DLG2: variants seen among roughly 807,000 people sequenced by gnomAD.
DLG2 encodes the protein discs large MAGUK scaffold protein 2.
A neutral mutation model predicts 132.5 loss-of-function variants in DLG2; 45 were observed. The ratio of observed to expected loss-of-function variants is 0.34; its 90% confidence interval spans 0.27 to 0.44. DLG2 has a LOEUF of 0.44. Ranked by LOEUF, DLG2 falls within the 20% of genes least tolerant of loss-of-function variation. DLG2 has a pLI of 1.00. For missense variants in DLG2, 1,045 were observed against 1,196.9 expected (o/e 0.87, Z 1.87); for synonymous variants, 424 against 419.6 (o/e 1.01, Z -0.13).
intron 9 of DLG2, among the ~76,000 whole-genome samples, chr11:84,106,915 G>T (rs955014038): frequency 3.1e-5 from 4 of 130,630 alleles, no homozygotes; most frequent in South Asian, 2.7e-4. Flanking sequence ...GTGTGTGTGA[G>T]AGAAGTGTGT....
intron 19 of DLG2, among the ~76,000 whole-genome samples, chr11:83,561,980 C>A (rs1413650651): frequency 6.8e-6 from 1 of 147,390 alleles, no homozygotes; most frequent in Non-Finnish European, 1.5e-5. Flanking sequence ...CCTTCACCTC[C>A]CGGGTTCAAG....
chr11:84,903,803 T>C (rs1407505821), intron 6 of DLG2, among the ~76,000 whole-genome samples: 1 of 152,100 alleles, frequency 6.6e-6, no homozygotes, highest in African/African-American at 2.4e-5. Context: ...TTTGGTTCAT[T>C]GAGATTCATA....
At chr11:85,460,171 T>A (rs1038380626) in intron 3 of DLG2, among the ~76,000 whole-genome samples, 2 of 152,176 alleles carry the variant, frequency 1.3e-5, no homozygotes, top group African/African-American at 4.8e-5. Context: ...AGTCCACTGC[T>A]GCTCAGCCCT....
chr11:84,738,452 C>A (rs905317347), intron 6 of DLG2, among the ~76,000 whole-genome samples: 1 of 152,064 alleles, frequency 6.6e-6, no homozygotes, highest in African/African-American at 2.4e-5. Context: ...ATGGTTCTTA[C>A]AATTTGCTAC....
intron 3 of DLG2, among the ~76,000 whole-genome samples, chr11:85,584,056 C>A (rs1345257081): frequency 6.6e-6 from 1 of 152,000 alleles, no homozygotes; most frequent in Non-Finnish European, 1.5e-5. Context: ...GGGTTTACTG[C>A]ATGGAAAAGT....
chr11:85,064,756 A>T (rs1403433719), intron 6 of DLG2, among the ~76,000 whole-genome samples: 1 of 151,644 alleles, frequency 6.6e-6, no homozygotes, highest in African/African-American at 2.4e-5. Context: ...CCTTCATAAT[A>T]TGGATGGGTC....
At chr11:83,776,837 A>T (rs1158111874) in intron 18 of DLG2, among the ~76,000 whole-genome samples, 1 of 152,182 alleles carries the variant, frequency 6.6e-6, no homozygotes, top group African/African-American at 2.4e-5. Flanking sequence ...TTCCCGTGGA[A>T]TGCCTTCTTG....
chr11:83,532,483 C>T (rs1304026327), intron 21 of DLG2, among the ~76,000 whole-genome samples: 1 of 152,144 alleles, frequency 6.6e-6, no homozygotes, highest in African/African-American at 2.4e-5. Flanking sequence ...CATCAACACA[C>T]TGCTTCTGCT....
chr11:83,893,269 T>C (rs376152171), intron 15 of DLG2, among the ~76,000 whole-genome samples: 5 of 152,244 alleles, frequency 3.3e-5, no homozygotes, highest in Non-Finnish European at 5.9e-5. Context: ...AGGTCATAAG[T>C]TGCCCAACTC....
intron 3 of DLG2, among the ~76,000 whole-genome samples, chr11:85,426,095 C>A (rs190808418): frequency 1.3e-5 from 2 of 152,324 alleles, no homozygotes; most frequent in Non-Finnish European, 2.9e-5. Flanking sequence ...GAGGGAGGGG[C>A]GCCCGCCATT....
chr11:84,003,818 T>C (rs916388707), intron 11 of DLG2, among the ~76,000 whole-genome samples: 2 of 152,026 alleles, frequency 1.3e-5, no homozygotes, highest in Admixed American at 6.6e-5. Flanking sequence ...GGAACAACTA[T>C]GTGATAAAAA....
intron 3 of DLG2, among the ~76,000 whole-genome samples, chr11:85,553,492 T>C (rs2076777162): frequency 6.6e-6 from 1 of 151,600 alleles, no homozygotes; most frequent in African/African-American, 2.4e-5. Flanking sequence ...AATCTGTTTG[T>C]ATTTTTGGTA....
intron 18 of DLG2, among the ~76,000 whole-genome samples, chr11:83,677,823 G>C (rs536515898): frequency 2.6e-5 from 4 of 152,286 alleles, no homozygotes; most frequent in African/African-American, 9.6e-5. Context: ...ACTATTGGGA[G>C]AATGATGCAC....
rs369416303 is a variant in DLG2 at position 84,557,448 on chromosome 11, G to C, written c.358-22717C>G. Among the ~76,000 whole-genome samples the C allele has an allele frequency of 2.6e-5, 4 of 151,622 alleles. No homozygotes were observed. The East Asian group carries it at 7.7e-4, about 29-fold the overall frequency. Reference sequence around the variant, plus strand: ...CATATTAATATATATACACATACTGGTTCCATTTCTCTGATATGATCTTTA... The same window carrying C: ...CATATTAATATATATACACATACTGCTTCCATTTCTCTGATATGATCTTTA... On this transcript the variant is annotated intron_variant, in intron 6 of 27. Transcript: ENST00000376104.
intron 6 of DLG2, among the ~76,000 whole-genome samples, chr11:84,607,135 C>T (rs541919386): frequency 3.9e-5 from 6 of 152,040 alleles, no homozygotes; most frequent in African/African-American, 1.4e-4. Context: ...CAGATGAGCC[C>T]TTTTCAATGA....
At chr11:85,462,786 A>T (rs1597541289) in intron 3 of DLG2, among the ~76,000 whole-genome samples, 2 of 151,964 alleles carry the variant, frequency 1.3e-5, no homozygotes, top group Admixed American at 1.3e-4. Context: ...ATGTACCCTA[A>T]AACTTAAAGT....
At chr11:84,395,565 ACAC>A (rs1255829124) in intron 7 of DLG2, among the ~76,000 whole-genome samples, 2 of 152,052 alleles carry the variant, frequency 1.3e-5, no homozygotes, top group Non-Finnish European at 1.5e-5. Flanking sequence ...CTACAGATGC[ACAC>A]CACCACACCT....
At chr11:84,632,075 T>G (rs1377466999) in intron 6 of DLG2, among the ~76,000 whole-genome samples, 1 of 152,206 alleles carries the variant, frequency 6.6e-6, no homozygotes, top group Non-Finnish European at 1.5e-5. Context: ...ATGTTATTTA[T>G]ACTAAACAGT....
At chr11:84,923,674 C>T in intron 6 of DLG2, 2 of 706,302 alleles carry the variant, frequency 2.8e-6, no homozygotes, top group Non-Finnish European at 3.5e-6. Flanking sequence ...CCCTGTTTGG[C>T]AAATACTACA....
Sources: gnomAD v4.1 joint callset for allele counts (sites outside exome capture counted in the v4.1 genomes callset) on GRCh38, gnomAD v4.1.1 for gene constraint, MANE v1.5 for transcripts, NCBI Gene and HGNC (gene_info 2026-07-23, HGNC 2026-07-21) for gene names.